Variants in SDCCAG8 observed in about 807,000 individuals in gnomAD.
The protein encoded by SDCCAG8 is serologically defined colon cancer antigen 8.
Under a neutral mutation model 101.8 loss-of-function variants are expected in SDCCAG8, and 74 were observed. The ratio of observed to expected loss-of-function variants is 0.73; its 90% CI spans 0.60 to 0.88. The LOEUF (loss-of-function observed/expected upper bound fraction) is 0.88. Ranked by LOEUF, SDCCAG8 falls within the 40% of genes least tolerant of loss-of-function variation. The probability of loss-of-function intolerance (pLI) is 0.00; values close to 1 mark genes in which losing one functional copy is unlikely to be tolerated. For synonymous variants in SDCCAG8, 281 were observed against 292.9 expected, an observed-to-expected ratio of 0.96 and a Z score of 0.41; for missense variants, 787 against 822.6, an observed-to-expected ratio of 0.96 and a Z score of 0.53.
chr1:243,365,301 A>G (rs1397461335), intron 12 of SDCCAG8, among the ~76,000 whole-genome samples: 2 of 152,168 alleles, frequency 1.3e-5, no homozygotes, highest in Non-Finnish European at 2.9e-5. Flanking sequence ...AAAATATTTT[A>G]TCTTCACAGG....
intron 13 of SDCCAG8, among the ~76,000 whole-genome samples, chr1:243,405,562 G>C (rs1332736368): frequency 6.6e-6 from 1 of 152,164 alleles, no homozygotes; most frequent in East Asian, 1.9e-4. Context: ...GCAACAGTAA[G>C]TATGCCTACC....
At chr1:243,448,240 A>G (rs2083081634) in intron 16 of SDCCAG8, among the ~76,000 whole-genome samples, 1 of 152,164 alleles carries the variant, frequency 6.6e-6, no homozygotes, top group Non-Finnish European at 1.5e-5. Flanking sequence ...GGGCTTGGTT[A>G]TGTCCATTAC....
At chr1:243,386,810 T>C (rs1227425018) in intron 13 of SDCCAG8, among the ~76,000 whole-genome samples, 1 of 151,420 alleles carries the variant, frequency 6.6e-6, no homozygotes, top group African/African-American at 2.4e-5. Flanking sequence ...AGGAAAGAAG[T>C]GTTAGCTGCT....
intron 13 of SDCCAG8, among the ~76,000 whole-genome samples, chr1:243,408,319 T>C (rs76696036): frequency 0.058 from 8,892 of 152,254 alleles, 890 homozygotes; most frequent in African/African-American, 0.2. Flanking sequence ...AGATTCCAGA[T>C]TGATGCACAT....
At chr1:243,488,904 G>C (rs1005433866) in intron 16 of SDCCAG8, 110 bp from the exon 17 acceptor site, 10 of 1,525,032 alleles carry the variant, frequency 6.6e-6, no homozygotes, top group Non-Finnish European at 8.1e-6. Context: ...CACCCTAGGC[G>C]TCCTGCTCAT....
intron 12 of SDCCAG8, among the ~76,000 whole-genome samples, chr1:243,348,818 CA>C (rs34405078): frequency 0.65 from 85,030 of 131,112 alleles, 28,533 homozygotes; most frequent in East Asian, 0.94. Context: ...ACTAAAAATA[CA>C]AAAAAAAAAA....
chr1:243,405,121 C>T (rs2079676731), intron 13 of SDCCAG8, among the ~76,000 whole-genome samples: 1 of 152,130 alleles, frequency 6.6e-6, no homozygotes, highest in Admixed American at 6.5e-5. Context: ...CTGCCTTGGC[C>T]TCCCAAAGTG....
chr1:243,287,313 C>T (rs1379361324), intron 5 of SDCCAG8, among the ~76,000 whole-genome samples: 1 of 152,046 alleles, frequency 6.6e-6, no homozygotes, highest in Non-Finnish European at 1.5e-5. Context: ...TTGCAGTTTA[C>T]TTTGGTGGTT....
At chr1:243,271,110 T>C (rs2068047737) in intron 3 of SDCCAG8, 47 bp downstream of exon 3, 2 of 1,342,944 alleles carry the variant, frequency 1.5e-6, no homozygotes, top group Non-Finnish European at 2.1e-6. Context: ...TGTGTTTTAC[T>C]GTATTGTGTT....
In SDCCAG8 at chr1:243,256,257, C is replaced by G. The variant is rs1311985140; in HGVS notation, c.67+17C>G. 2.5e-6 allele frequency: 4 copies of G among 1,612,438 alleles called. No homozygotes were observed. The highest frequency in any genetic ancestry group is 3.4e-6 in the Non-Finnish European group (4 of 1,178,564). ...GTCTCCGGGGTGAGTTGCTCCAAAC[C>G]TCTGTCCCTAGCCCCGAGGTGCCCA... is the stretch of plus-strand genomic sequence containing the variant. On this transcript the variant is annotated intron_variant, in intron 1 of 17. Coordinates refer to ENST00000366541, the MANE Select transcript of SDCCAG8 (RefSeq NM_006642.5).
intron 16 of SDCCAG8, among the ~76,000 whole-genome samples, chr1:243,441,360 A>G (rs1438882739): frequency 2.0e-5 from 3 of 152,110 alleles, no homozygotes; most frequent in Non-Finnish European, 4.4e-5. Flanking sequence ...AGCCCATGGT[A>G]CTTCTCTGCT....
Position 243,416,456 on chromosome 1 carries a change from C to T in SDCCAG8, c.1744+627C>T, listed in dbSNP as rs1349928590. ...TAGCATTTGTATGATTTCCCCACCTCCCCCAACCCAATCTAGAGTGATGTT... is the reference window on the plus strand; with the variant it reads ...TAGCATTTGTATGATTTCCCCACCTTCCCCAACCCAATCTAGAGTGATGTT... On this transcript the variant is annotated intron_variant, in intron 14 of 17. Coordinates refer to ENST00000366541, the MANE Select transcript of SDCCAG8 (RefSeq NM_006642.5). This position sits in a 1 kb window ranked among gnomAD's most constrained non-coding sequence, Gnocchi z 4.3. 6.6e-6 allele frequency among the ~76,000 whole-genome samples: 1 copy of T among 152,170 alleles called. No individual in the cohort carries two copies. Among genetic ancestry groups the T allele is most frequent in the Non-Finnish European group, 1.5e-5 (1 of 68,038 alleles).
intron 12 of SDCCAG8, among the ~76,000 whole-genome samples, chr1:243,369,860 T>C (rs1487034768): frequency 6.6e-6 from 1 of 152,062 alleles, no homozygotes; most frequent in Non-Finnish European, 1.5e-5. Flanking sequence ...AATTAGGAGA[T>C]TTATATATTT....
chr1:243,318,185 G>A, intron 9 of SDCCAG8: 1 of 408,734 alleles, frequency 2.4e-6, no homozygotes, highest in Non-Finnish European at 4.9e-6. Context: ...TAAAAAGAAT[G>A]AGATCCGATC....
At chr1:243,364,824 T>C (rs2076905889) in intron 12 of SDCCAG8, among the ~76,000 whole-genome samples, 1 of 152,106 alleles carries the variant, frequency 6.6e-6, no homozygotes, top group Non-Finnish European at 1.5e-5. Context: ...GCATTTTTTT[T>C]CCTCTAAATT....
At chr1:243,307,221 A>G (rs967196589) in intron 7 of SDCCAG8, 1 of 180,462 alleles carries the variant, frequency 5.5e-6, no homozygotes, top group Non-Finnish European at 1.1e-5. Context: ...CCTCATCCAG[A>G]GGTGAGCTGA....
chr1:243,277,828 A>C (rs537486457), intron 4 of SDCCAG8, among the ~76,000 whole-genome samples: 1 of 152,190 alleles, frequency 6.6e-6, no homozygotes, highest in East Asian at 1.9e-4. Context: ...TTTTGGGTCT[A>C]TTTCTGGGCT....
chr1:243,362,741 G>A (rs1231486312), intron 12 of SDCCAG8, among the ~76,000 whole-genome samples: 2 of 152,158 alleles, frequency 1.3e-5, no homozygotes, highest in African/African-American at 4.8e-5. Context: ...ATATGAGACT[G>A]CTAGTTTGAA....
At chr1:243,417,861 T>C (rs2080705356) in intron 14 of SDCCAG8, 107 bp from the exon 15 acceptor site, 5 of 797,986 alleles carry the variant, frequency 6.3e-6, no homozygotes, top group East Asian at 4.9e-5. Context: ...TAGTGGCTTA[T>C]TGGAAATGTG....
Sources: gnomAD v4.1 joint callset for allele counts (sites outside exome capture counted in the v4.1 genomes callset) on GRCh38, gnomAD v4.1.1 for gene constraint, Gnocchi (gnomAD v3.1) non-coding constraint, MANE v1.5 for transcripts, NCBI Gene and HGNC (gene_info 2026-07-23, HGNC 2026-07-21) for gene names.